PDE1C: variants seen among roughly 807,000 people sequenced by gnomAD.
The protein encoded by PDE1C is dual specificity calcium/calmodulin-dependent 3',5'-cyclic nucleotide phosphodiesterase 1C.
A neutral mutation model predicts 93.1 loss-of-function variants in PDE1C; 62 were observed. That is an observed-to-expected ratio of 0.67 (90% CI 0.54 to 0.82). PDE1C has a LOEUF of 0.82. Ranked by LOEUF, PDE1C falls within the 40% of genes least tolerant of loss-of-function variation. The pLI is 0.00. For missense variants in PDE1C, 742 were observed against 884.6 expected (o/e 0.84, Z 2.04); for synonymous variants, 325 against 310.1 (o/e 1.05, Z -0.50).
At chr7:32,086,423 T>A (rs1797078491) in intron 3 of PDE1C, among the ~76,000 whole-genome samples, 2 of 152,102 alleles carry the variant, frequency 1.3e-5, no homozygotes, top group African/African-American at 4.8e-5. Flanking sequence ...AAAATGGCCA[T>A]ACTGCCCAAG....
chr7:31,737,358 T>G, the PDE1C span, among the ~76,000 whole-genome samples: 2 of 152,192 alleles, frequency 1.3e-5, no homozygotes, highest in Non-Finnish European at 2.9e-5. Context: ...TAGTTTGGTC[T>G]CTTTGCTTCA....
At chr7:32,056,167 C>T (rs1794049012) in intron 1 of PDE1C, among the ~76,000 whole-genome samples, 1 of 151,884 alleles carries the variant, frequency 6.6e-6, no homozygotes, top group East Asian at 1.9e-4. Flanking sequence ...TGTTCTGGGA[C>T]CTGGCAAATT....
At chr7:31,838,609 A>G (rs1791417011) in intron 9 of PDE1C, among the ~76,000 whole-genome samples, 1 of 152,164 alleles carries the variant, frequency 6.6e-6, no homozygotes, top group Non-Finnish European at 1.5e-5. Flanking sequence ...GCATAATGCC[A>G]TGTATCCACC....
chr7:31,754,183 T>C (rs1583927221), intron 17 of PDE1C, among the ~76,000 whole-genome samples: 1 of 152,306 alleles, frequency 6.6e-6, no homozygotes, highest in South Asian at 2.1e-4. Context: ...TTAAAACAAC[T>C]ATATGCTACT....
chr7:31,964,044 G>C (rs554750678), intron 2 of PDE1C, among the ~76,000 whole-genome samples: 1 of 152,238 alleles, frequency 6.6e-6, no homozygotes, highest in Non-Finnish European at 1.5e-5. Context: ...TAAAGAAGAC[G>C]GGTGATTTCT....
the PDE1C span, among the ~76,000 whole-genome samples, chr7:31,739,916 G>C: frequency 2.0e-5 from 3 of 152,212 alleles, no homozygotes; most frequent in African/African-American, 7.2e-5. Flanking sequence ...CATTGACGTA[G>C]AACACTTTAA....
At chr7:32,119,651 C>T (rs1436688256) in intron 3 of PDE1C, among the ~76,000 whole-genome samples, 1 of 151,936 alleles carries the variant, frequency 6.6e-6, no homozygotes, top group African/African-American at 2.4e-5. Context: ...GAAGGAAGAG[C>T]AGTGTGGTGC....
At chr7:32,081,312 T>G (rs1796649012) in intron 3 of PDE1C, among the ~76,000 whole-genome samples, 1 of 152,252 alleles carries the variant, frequency 6.6e-6, no homozygotes, top group African/African-American at 2.4e-5. Context: ...GCCTTCACTA[T>G]GGGCAGAGCC....
chr7:32,139,183 T>C (rs1028148459), intron 3 of PDE1C, among the ~76,000 whole-genome samples: 1 of 151,948 alleles, frequency 6.6e-6, no homozygotes, highest in Non-Finnish European at 1.5e-5. Context: ...TCACCCAGGC[T>C]GGGGCACAAT....
At chr7:31,651,016 T>G in the PDE1C span, 1 of 1,000,668 alleles carries the variant, frequency 1.0e-6, no homozygotes, top group African/African-American at 1.7e-5. Context: ...TCCCTCCCCC[T>G]TATATTAGCA....
chr7:32,047,261 G>A lies in PDE1C; in HGVS notation c.128+4293C>T, dbSNP rs767428278. ...AGGTGAAACTCTATTAAAAGAAACC[G>A]GATGAGACATTTATGAGTAAGCAGG... On this transcript the variant is annotated intron_variant, in intron 2 of 17. Transcript: ENST00000396191. 2.0e-4 allele frequency among the ~76,000 whole-genome samples: 31 copies of A among 152,060 alleles called. 1 individual carries two copies. Among genetic ancestry groups the A allele is most frequent in the Admixed American group, 2.0e-3 (30 of 15,240 alleles).
chr7:31,980,483 AT>A (rs1812240810), intron 2 of PDE1C, among the ~76,000 whole-genome samples: 1 of 152,048 alleles, frequency 6.6e-6, no homozygotes, highest in African/African-American at 2.4e-5. Flanking sequence ...CAAGATTGCT[AT>A]TTTTTCCACA....
the PDE1C span, chr7:31,651,948 C>T: frequency 1.5e-4 from 244 of 1,593,532 alleles, no homozygotes; most frequent in Admixed American, 9.5e-4. Context: ...GGGAGGAGGC[C>T]GAGCAACTGC....
chr7:32,096,568 C>T (rs997742939), intron 3 of PDE1C, among the ~76,000 whole-genome samples: 1 of 152,150 alleles, frequency 6.6e-6, no homozygotes. Flanking sequence ...TTCATCAGTT[C>T]TAAATCTGTC....
intron 16 of PDE1C, among the ~76,000 whole-genome samples, chr7:31,780,835 G>A (rs897869028): frequency 7.7e-6 from 1 of 130,108 alleles, no homozygotes; most frequent in African/African-American, 2.9e-5. Context: ...GTGTGTGTGT[G>A]TGTGTGTGTC....
intron 2 of PDE1C, among the ~76,000 whole-genome samples, chr7:31,901,604 CTTA>C (rs1271331850): frequency 1.3e-5 from 2 of 151,006 alleles, no homozygotes; most frequent in East Asian, 3.9e-4. Flanking sequence ...AATTTGAGAA[CTTA>C]TTATATAATT....
intron 1 of PDE1C, among the ~76,000 whole-genome samples, chr7:32,227,488 G>T (rs1807381029): frequency 6.6e-6 from 1 of 152,140 alleles, no homozygotes; most frequent in Non-Finnish European, 1.5e-5. Flanking sequence ...GCTCTCTGTT[G>T]TTCACACCTG....
chr7:32,078,665 C>A (rs1342939347), intron 3 of PDE1C, among the ~76,000 whole-genome samples: 1 of 152,154 alleles, frequency 6.6e-6, no homozygotes, highest in South Asian at 2.1e-4. Context: ...TAGCTCACAC[C>A]TATAATCCCG....
At chr7:31,893,212 A>G (rs1399964706) in intron 2 of PDE1C, among the ~76,000 whole-genome samples, 1 of 152,182 alleles carries the variant, frequency 6.6e-6, no homozygotes, top group East Asian at 1.9e-4. Context: ...TTGTATAGTC[A>G]TTTCCAATAA....
Sources: gnomAD v4.1 joint callset for allele counts (sites outside exome capture counted in the v4.1 genomes callset) on GRCh38, gnomAD v4.1.1 for gene constraint, MANE v1.5 for transcripts, NCBI Gene and HGNC (gene_info 2026-07-23, HGNC 2026-07-21) for gene names.